The following RSPH14 variants were observed in gnomAD, a reference collection of about 807,000 sequenced individuals.
The protein encoded by RSPH14 is rhabdoid tumor deletion region gene 1.
Under a neutral mutation model 26.7 loss-of-function variants are expected in RSPH14, and 20 were observed. The ratio of observed to expected loss-of-function variants is 0.75; its 90% CI spans 0.53 to 1.09. The LOEUF is 1.09. RSPH14 is among the 50% of genes least tolerant of loss of function. The pLI, the probability that RSPH14 is intolerant of heterozygous loss-of-function variation, is 0.00. For missense variants in RSPH14, 449 were observed against 457.2 expected (o/e 0.98, Z 0.16); for synonymous variants, 177 against 189.3 (o/e 0.93, Z 0.53).
At chr22:23,070,002 C>T (rs972647490) in intron 4 of RSPH14, among the ~76,000 whole-genome samples, 3 of 152,176 alleles carry the variant, frequency 2.0e-5, no homozygotes, top group African/African-American at 7.2e-5. Flanking sequence ...CATGGCTGGG[C>T]TCAGGCTTGG....
the RSPH14 span, chr22:23,153,257 G>A: frequency 1.3e-6 from 1 of 748,520 alleles, no homozygotes; most frequent in Non-Finnish European, 2.2e-6. Context: ...AGAGCCTGGG[G>A]GTGTTGTGTG....
chr22:23,155,892 C>A, the RSPH14 span: 1 of 1,380,008 alleles, frequency 7.2e-7, no homozygotes, highest in Non-Finnish European at 9.8e-7. Context: ...ACCCATGGTC[C>A]CGTAGCCTGT....
upstream of RSPH14, chr22:23,145,027 T>G (rs887358659): frequency 1.0e-5 from 3 of 301,046 alleles, no homozygotes; most frequent in Non-Finnish European, 1.9e-5. Context: ...CAGCACTGGA[T>G]TCAGAACTAT....
At chr22:23,165,719 G>T in the RSPH14 span, among the ~76,000 whole-genome samples, 9 of 152,190 alleles carry the variant, frequency 5.9e-5, no homozygotes, top group African/African-American at 2.2e-4. Flanking sequence ...GGGCCACTAG[G>T]ATGACTCTCC....
In RSPH14 at chr22:23,134,548, CAAAA is replaced by C. The variant is rs59412175; in HGVS notation, c.303-408_303-405del. 7.4e-3 allele frequency among the ~76,000 whole-genome samples: 637 copies of C among 86,144 alleles called. 2 individuals are homozygous for C. The highest frequency in any genetic ancestry group is 0.015 in the African/African-American group (323 of 22,012). 56.5% of individuals were successfully genotyped at this position (86,144 alleles called of 152,430 possible). On this transcript the variant is annotated intron_variant, in intron 3 of 6. Transcript: ENST00000216036. Reference sequence around the variant, plus strand: ...TCAAAATTGAGCCCCAACTCCCAACCAAAAAAAAAAAAAAAAAAAAAAAAGGAGA... The same window carrying C: ...TCAAAATTGAGCCCCAACTCCCAACCAAAAAAAAAAAAAAAAAAAAGGAGA...
chr22:23,084,222 G>T (rs2068755675), intron 4 of RSPH14, among the ~76,000 whole-genome samples: 1 of 152,184 alleles, frequency 6.6e-6, no homozygotes, highest in South Asian at 2.1e-4. Context: ...TTGACTTGCA[G>T]TTTTTCAGGT....
chr22:23,127,633 G>A (rs1215472065), intron 4 of RSPH14, among the ~76,000 whole-genome samples: 2 of 152,132 alleles, frequency 1.3e-5, no homozygotes, highest in East Asian at 1.9e-4. Flanking sequence ...TGAGACATAC[G>A]GCTCACTGCA....
chr22:23,174,229 G>A, the RSPH14 span, among the ~76,000 whole-genome samples: 1 of 151,384 alleles, frequency 6.6e-6, no homozygotes, highest in Non-Finnish European at 1.5e-5. Flanking sequence ...CGGTGTGTGT[G>A]TGTGTTTTGA....
chr22:23,170,779 AC>A, the RSPH14 span, among the ~76,000 whole-genome samples: 33 of 151,674 alleles, frequency 2.2e-4, no homozygotes, highest in African/African-American at 8.0e-4. Flanking sequence ...CGAGGACTCC[AC>A]CCAGGACTTA....
the RSPH14 span, chr22:23,150,108 G>C: frequency 1.2e-6 from 2 of 1,612,488 alleles, no homozygotes; most frequent in East Asian, 2.2e-5. Context: ...GCACTTCCAC[G>C]GGCAGGTCAG....
chr22:23,077,432 C>T lies in RSPH14; in HGVS notation c.422-13299G>A, dbSNP rs768714186. Among the ~76,000 whole-genome samples the T allele has an allele frequency of 3.4e-4, 52 of 152,210 alleles. 1 individual carries two copies. Among genetic ancestry groups the T allele is most frequent in the Non-Finnish European group, 4.7e-4 (32 of 68,050 alleles). On this transcript the variant is annotated intron_variant, in intron 4 of 6. Coordinates refer to ENST00000216036, the MANE Select transcript of RSPH14 (RefSeq NM_014433.3). ...TGAATAAGTGAATGAGTGGTAGAGA[C>T]TCAACCACTCTACAAGGCCGGGAGC...
chr22:23,074,725 G>A (rs1030911897), intron 4 of RSPH14, among the ~76,000 whole-genome samples: 2 of 152,204 alleles, frequency 1.3e-5, no homozygotes, highest in African/African-American at 4.8e-5. Flanking sequence ...ACGGGCAAGT[G>A]AGGTGGAAGC....
At chr22:23,147,796 AC>A (rs2070879204), upstream of RSPH14, among the ~76,000 whole-genome samples, 1 of 152,238 alleles carries the variant, frequency 6.6e-6, no homozygotes. Context: ...CCTGGCACAG[AC>A]ATGAGGAAGA....
chr22:23,130,093 AAGAAAGAAAGAAAG>A, intron 4 of RSPH14, among the ~76,000 whole-genome samples: 1 of 35,712 alleles, frequency 2.8e-5, no homozygotes, highest in South Asian at 1.1e-3. Flanking sequence ...GGAAGAAAGA[AAGAAAGAAAGAAAG>A]AAAGAAAGAA....
intron 4 of RSPH14, among the ~76,000 whole-genome samples, chr22:23,130,508 G>GAAAGAAAA: frequency 6.7e-6 from 1 of 148,686 alleles, no homozygotes; most frequent in Non-Finnish European, 1.5e-5. Context: ...AAGAAAGAAA[G>GAAAGAAAA]AAAGAAAGAA....
chr22:23,173,166 G>A, the RSPH14 span, among the ~76,000 whole-genome samples: 2 of 151,412 alleles, frequency 1.3e-5, no homozygotes, highest in South Asian at 4.2e-4. Context: ...ACGGAGTCTC[G>A]CTCTGTCACC....
chr22:23,168,271 CTCT>C, the RSPH14 span, among the ~76,000 whole-genome samples: 9 of 152,162 alleles, frequency 5.9e-5, no homozygotes, highest in Non-Finnish European at 1.2e-4. Context: ...CTCCCTCCAG[CTCT>C]TGAAGTCCTG....
Position 23,072,277 on chromosome 22 carries a change from C to T in RSPH14, c.422-8144G>A, listed in dbSNP as rs2146241898. ...GTTTGAGAGCAGTAATCGTGGCAGC[C>T]TGGGAGCATCCATCTACGGGGTGCA... is the stretch of plus-strand genomic sequence containing the variant. On this transcript the variant is annotated intron_variant, in intron 4 of 6. Transcript: ENST00000216036. Among the ~76,000 whole-genome samples the T allele has an allele frequency of 3.3e-5, 5 of 152,230 alleles. No individual in the cohort carries two copies. In the South Asian group the frequency reaches 1.0e-3, roughly 32 times the overall value.
chr22:23,155,454 C>T, the RSPH14 span, among the ~76,000 whole-genome samples: 1 of 152,190 alleles, frequency 6.6e-6, no homozygotes, highest in South Asian at 2.1e-4. Context: ...CTGCTGAGAC[C>T]CACCTATTGC....
Sources: gnomAD v4.1 joint callset for allele counts (sites outside exome capture counted in the v4.1 genomes callset) on GRCh38, gnomAD v4.1.1 for gene constraint, MANE v1.5 for transcripts, NCBI Gene and HGNC (gene_info 2026-07-23, HGNC 2026-07-21) for gene names.